The following CCNI variants were observed in gnomAD, a reference collection of about 807,000 sequenced individuals.
CCNI encodes the protein cyclin-I.
A neutral mutation model predicts 34.1 loss-of-function variants in CCNI; 14 were observed. The ratio of observed to expected loss-of-function variants is 0.41; its 90% CI spans 0.27 to 0.64. The LOEUF (loss-of-function observed/expected upper bound fraction) is 0.64. Among genes scored for constraint, CCNI ranks in the 30% least tolerant of loss-of-function variants. The pLI, the probability that CCNI is intolerant of heterozygous loss-of-function variation, is 0.31. For synonymous variants in CCNI, 154 were observed against 158.4 expected, an observed-to-expected ratio of 0.97 and a Z score of 0.21; for missense variants, 385 against 440.5, an observed-to-expected ratio of 0.87 and a Z score of 1.13.
Position 77,075,647 on chromosome 4 carries a change from G to T in CCNI, c.-219C>A. 1 of 713,894 alleles carries T rather than the reference G, an allele frequency of 1.4e-6. No individual in the cohort carries two copies. Among genetic ancestry groups the T allele is most frequent in the Non-Finnish European group, 1.6e-6 (1 of 609,448 alleles). The allele number at this position is 713,894 out of a possible 1,614,324, so 44.2% of individuals were successfully genotyped here. On this transcript the variant is annotated 5_prime_UTR_variant, in exon 1 of 7. Coordinates refer to ENST00000237654, the MANE Select transcript of CCNI (RefSeq NM_006835.3). ...AGAAAGGGGAAGCGGATCGGGGGGC[G>T]CGGGCGCGGGCGCTGGCGCTCGAGC... is the stretch of plus-strand genomic sequence containing the variant.
Position 77,073,022 on chromosome 4 carries a change from A to T in CCNI, c.-44+2450T>A, listed in dbSNP as rs538485204. Among the ~76,000 whole-genome samples, 12 of 152,360 alleles carry T rather than the reference A, an allele frequency of 7.9e-5. No homozygotes were observed. In the South Asian group the frequency reaches 2.5e-3, roughly 32 times the overall value. On this transcript the variant is annotated intron_variant, in intron 1 of 6. Coordinates refer to ENST00000237654, the MANE Select transcript of CCNI (RefSeq NM_006835.3). ...AAAGCACATTTTGAGTTGAATTAAT[A>T]AATTCCGCTAAGAAAATGCAAACAT... is the stretch of plus-strand genomic sequence containing the variant.
intron 6 of CCNI, among the ~76,000 whole-genome samples, chr4:77,053,314 A>T (rs1727992361): frequency 6.6e-6 from 1 of 152,158 alleles, no homozygotes; most frequent in Non-Finnish European, 1.5e-5. Flanking sequence ...AATCACTACT[A>T]AGTAGCTCTA....
intron 2 of CCNI, among the ~76,000 whole-genome samples, chr4:77,061,531 C>T (rs758802236): frequency 6.6e-6 from 1 of 151,974 alleles, no homozygotes; most frequent in Non-Finnish European, 1.5e-5. Context: ...TATTATATTC[C>T]ACATGCTGCT....
intron 2 of CCNI, among the ~76,000 whole-genome samples, chr4:77,061,823 C>G (rs1728626245): frequency 6.6e-6 from 1 of 152,170 alleles, no homozygotes; most frequent in Admixed American, 6.5e-5. Context: ...GCACCCGCCA[C>G]CACACCCAGC....
intron 1 of CCNI, among the ~76,000 whole-genome samples, chr4:77,068,201 A>C (rs1286812155): frequency 1.3e-5 from 2 of 151,862 alleles, no homozygotes; most frequent in African/African-American, 4.8e-5. Flanking sequence ...AACAAACAAA[A>C]AAGAATGTGA....
chr4:77,073,421 T>C (rs1729644959), intron 1 of CCNI, among the ~76,000 whole-genome samples: 1 of 152,220 alleles, frequency 6.6e-6, no homozygotes, highest in African/African-American at 2.4e-5. Flanking sequence ...TATGTATTAT[T>C]GTATTTGCTA....
Position 77,055,459 on chromosome 4 carries a change from A to T in CCNI, c.460-79T>A, listed in dbSNP as rs1728155631. The T allele has an allele frequency of 1.9e-5, 18 of 958,156 alleles. No individual in the cohort carries two copies. In the South Asian group the frequency reaches 2.8e-4, roughly 15 times the overall value. 59.4% of individuals were successfully genotyped at this position (958,156 alleles called of 1,614,324 possible). On this transcript the variant is annotated intron_variant, in intron 5 of 6. Coordinates refer to ENST00000237654, the MANE Select transcript of CCNI (RefSeq NM_006835.3). ...ATATAGAAATTGATGCAACCTATTC[A>T]ATTTCTTTTTTTTTTTTTTTTGAGA...
intron 1 of CCNI, among the ~76,000 whole-genome samples, chr4:77,068,314 T>C (rs925136873): frequency 6.6e-6 from 1 of 152,078 alleles, no homozygotes; most frequent in Non-Finnish European, 1.5e-5. Context: ...TATACAGCAA[T>C]AATAATGAAA....
At chr4:77,051,510 T>C (rs1727835559) in intron 6 of CCNI, among the ~76,000 whole-genome samples, 1 of 152,180 alleles carries the variant, frequency 6.6e-6, no homozygotes. Flanking sequence ...TAAAAGACCT[T>C]AGAAATTATT....
intron 1 of CCNI, among the ~76,000 whole-genome samples, chr4:77,070,831 A>G (rs1057491590): frequency 2.0e-5 from 3 of 152,320 alleles, no homozygotes; most frequent in East Asian, 3.9e-4. Context: ...AGCCTGGGCA[A>G]CACAGTGAAA....
intron 6 of CCNI, among the ~76,000 whole-genome samples, chr4:77,051,002 TA>T (rs957034419): frequency 6.6e-6 from 1 of 151,926 alleles, no homozygotes. Flanking sequence ...TTATATAAAA[TA>T]ATGTAGTATT....
At chr4:77,048,962 GTTTTTTTTTTTT>G (rs538284505) in intron 6 of CCNI, among the ~76,000 whole-genome samples, 26 of 47,656 alleles carry the variant, frequency 5.5e-4, no homozygotes, top group Non-Finnish European at 9.3e-4. Flanking sequence ...TCCAACGTCT[GTTTTTTTTTTTT>G]TTTTTTTTTT....
chr4:77,074,153 A>C (rs1729714058), intron 1 of CCNI, among the ~76,000 whole-genome samples: 1 of 152,212 alleles, frequency 6.6e-6, no homozygotes, highest in African/African-American at 2.4e-5. Context: ...AATCTTGACC[A>C]ACACACATGC....
At chr4:77,072,639 A>T (rs1578259877) in intron 1 of CCNI, among the ~76,000 whole-genome samples, 1 of 35,376 alleles carries the variant, frequency 2.8e-5, no homozygotes, top group Non-Finnish European at 5.0e-5. Context: ...CCAATCTCTT[A>T]AAAAAAAAAA....
intron 1 of CCNI, among the ~76,000 whole-genome samples, chr4:77,067,435 A>T (rs1729115413): frequency 6.6e-6 from 1 of 152,134 alleles, no homozygotes; most frequent in African/African-American, 2.4e-5. Flanking sequence ...AGCATGTCTA[A>T]ATAGCAAGTT....
At chr4:77,056,395 TA>T (rs1728232670) in intron 3 of CCNI, 72 bp from the exon 4 acceptor site, 1 of 1,135,598 alleles carries the variant, frequency 8.8e-7, no homozygotes, top group African/African-American at 1.5e-5. Flanking sequence ...GTAACTGTTT[TA>T]AAAACCTAGA....
intron 2 of CCNI, among the ~76,000 whole-genome samples, chr4:77,061,679 T>C (rs1560777631): frequency 6.6e-6 from 1 of 152,084 alleles, no homozygotes; most frequent in Non-Finnish European, 1.5e-5. Context: ...TTGTTTTTGT[T>C]TTTTGTTTTT....
intron 2 of CCNI, among the ~76,000 whole-genome samples, chr4:77,062,464 G>A (rs1728680524): frequency 1.3e-5 from 2 of 152,158 alleles, no homozygotes; most frequent in South Asian, 4.1e-4. Context: ...GGAGGCTGAG[G>A]TGGGAGGATC....
intron 1 of CCNI, among the ~76,000 whole-genome samples, chr4:77,069,751 C>A (rs4252808): frequency 6.6e-6 from 1 of 151,858 alleles, no homozygotes. Context: ...CAAACAAAAA[C>A]ACACAACCAA....
Sources: gnomAD v4.1 joint callset for allele counts (sites outside exome capture counted in the v4.1 genomes callset) on GRCh38, gnomAD v4.1.1 for gene constraint, MANE v1.5 for transcripts, NCBI Gene and HGNC (gene_info 2026-07-23, HGNC 2026-07-21) for gene names.